GLIS1: variants seen among roughly 807,000 people sequenced by gnomAD.
GLIS1 encodes GLIS family zinc finger 1.
GLIS1 carries 24 observed loss-of-function variants against 63.8 expected under a neutral mutation model. That is an observed-to-expected ratio of 0.38 (90% CI 0.27 to 0.53). The LOEUF (loss-of-function observed/expected upper bound fraction) is 0.53. Ranked by LOEUF, GLIS1 falls within the 20% of genes least tolerant of loss-of-function variation. GLIS1 has a pLI of 0.85. For missense variants in GLIS1, 1,036 were observed against 1,074.1 expected, an observed-to-expected ratio of 0.96 and a Z score of 0.50; for synonymous variants, 450 against 482.5, an observed-to-expected ratio of 0.93 and a Z score of 0.88.
chr1:53,635,380 C>T (rs992884909), intron 2 of GLIS1, among the ~76,000 whole-genome samples: 17 of 151,864 alleles, frequency 1.1e-4, no homozygotes, highest in Non-Finnish European at 1.5e-4. Flanking sequence ...AAAAACATAA[C>T]GGAAATTTAA....
chr1:53,510,567 AG>A (rs1270367792), intron 8 of GLIS1, among the ~76,000 whole-genome samples: 1 of 152,178 alleles, frequency 6.6e-6, no homozygotes, highest in African/African-American at 2.4e-5. Flanking sequence ...TCCTTTTCAC[AG>A]ACCAGAAAAC....
In GLIS1 at chr1:53,543,535, T is replaced by C. The variant is rs1211676943; in HGVS notation, c.1321-13583A>G. ...AGCAAACCCCTGGCCCCTGTGCTTATGTTGCATTAAGTCAAAAGCAGAGTG... is the reference window on the plus strand; with the variant it reads ...AGCAAACCCCTGGCCCCTGTGCTTACGTTGCATTAAGTCAAAAGCAGAGTG... On this transcript the variant is annotated intron_variant, in intron 4 of 10. Coordinates refer to ENST00000628545, the MANE Select transcript of GLIS1 (RefSeq NM_001367484.1). Among the ~76,000 whole-genome samples the C allele has an allele frequency of 3.9e-5, 6 of 152,292 alleles. No homozygotes were observed. In the East Asian group the frequency reaches 9.6e-4, roughly 24 times the overall value.
At chr1:53,626,739 C>A (rs1645598117) in intron 2 of GLIS1, among the ~76,000 whole-genome samples, 1 of 152,210 alleles carries the variant, frequency 6.6e-6, no homozygotes, top group East Asian at 1.9e-4. Context: ...CTCAGTGCAA[C>A]TTTCCTACAC....
intron 7 of GLIS1, among the ~76,000 whole-genome samples, chr1:53,518,147 C>T (rs570495034): frequency 6.6e-6 from 1 of 152,244 alleles, no homozygotes; most frequent in Non-Finnish European, 1.5e-5. Flanking sequence ...GGACCCCGGG[C>T]TTCACCTGCC....
rs567699464 is a variant in GLIS1, at chr1:53,513,677, C to T, written c.1883+948G>A. ...TGGTAGGTCTCCCTCTCACAGTAAG[C>T]ATCTCCAGGGCCAGAGTCATCGAGG... On this transcript the variant is annotated intron_variant, in intron 8 of 10. Coordinates refer to ENST00000628545, the MANE Select transcript of GLIS1 (RefSeq NM_001367484.1). Among the ~76,000 whole-genome samples the T allele has an allele frequency of 2.6e-5, 4 of 152,342 alleles. No homozygotes were observed. The South Asian group carries it at 8.3e-4, about 32-fold the overall frequency.
intron 2 of GLIS1, among the ~76,000 whole-genome samples, chr1:53,635,861 T>A (rs1645717344): frequency 6.6e-6 from 1 of 152,136 alleles, no homozygotes; most frequent in African/African-American, 2.4e-5. Context: ...AATGGACAAA[T>A]TCCTAGGAAA....
chr1:53,631,182 A>G (rs1188409680), intron 2 of GLIS1, among the ~76,000 whole-genome samples: 3 of 152,162 alleles, frequency 2.0e-5, no homozygotes, highest in Admixed American at 2.0e-4. Flanking sequence ...TTTGTGATTT[A>G]TGTAAAGCTA....
At chr1:53,662,072 A>G (rs17109042) in intron 2 of GLIS1, among the ~76,000 whole-genome samples, 17,769 of 152,086 alleles carry the variant, frequency 0.12, 1,072 homozygotes, top group South Asian at 0.18. Flanking sequence ...CTGCTACAGA[A>G]GGGAGGCCTG....
chr1:53,700,499 T>C (rs1646512043), intron 2 of GLIS1, among the ~76,000 whole-genome samples: 1 of 151,506 alleles, frequency 6.6e-6, no homozygotes. Context: ...TGGCCTCTGC[T>C]CGTGTAAATG....
chr1:53,738,700 A>C (rs898514857), intron 1 of GLIS1, among the ~76,000 whole-genome samples: 47 of 152,234 alleles, frequency 3.1e-4, no homozygotes, highest in African/African-American at 1.1e-3. Flanking sequence ...ACGCGAACCC[A>C]TCACGCGCAG....
At chr1:53,689,913 C>T (rs1348751628) in intron 2 of GLIS1, among the ~76,000 whole-genome samples, 1 of 152,236 alleles carries the variant, frequency 6.6e-6, no homozygotes, top group Admixed American at 6.5e-5. Flanking sequence ...TTTATCCCCA[C>T]CACTGTGCAC....
intron 7 of GLIS1, among the ~76,000 whole-genome samples, chr1:53,516,481 GC>G (rs1158649332): frequency 6.6e-6 from 1 of 151,962 alleles, no homozygotes; most frequent in Non-Finnish European, 1.5e-5. Flanking sequence ...GAGCAGCAGG[GC>G]CTGTGGCAAA....
At chr1:53,576,622 C>G (rs150638164) in intron 4 of GLIS1, among the ~76,000 whole-genome samples, 123 of 152,292 alleles carry the variant, frequency 8.1e-4, no homozygotes, top group African/African-American at 2.9e-3. Context: ...AGCTGCTAGG[C>G]TGGTATAAAC....
intron 2 of GLIS1, among the ~76,000 whole-genome samples, chr1:53,679,040 C>T (rs1411034619): frequency 1.3e-5 from 2 of 152,226 alleles, no homozygotes; most frequent in African/African-American, 4.8e-5. Flanking sequence ...CCTCTTCCCA[C>T]CAGGCCCAGG....
chr1:53,662,881 G>A (rs145725567), intron 2 of GLIS1, among the ~76,000 whole-genome samples: 7 of 152,236 alleles, frequency 4.6e-5, no homozygotes, highest in African/African-American at 7.2e-5. Context: ...TCTCCCCGGC[G>A]CTATAAAGCA....
chr1:53,665,029 T>C (rs184436355), intron 2 of GLIS1, among the ~76,000 whole-genome samples: 1 of 152,120 alleles, frequency 6.6e-6, no homozygotes, highest in African/African-American at 2.4e-5. Context: ...AAGTAAGGAC[T>C]GTGGCTTTCA....
chr1:53,642,181 C>A (rs988116361), intron 2 of GLIS1, among the ~76,000 whole-genome samples: 1 of 152,272 alleles, frequency 6.6e-6, no homozygotes, highest in African/African-American at 2.4e-5. Context: ...ATTACGAGGA[C>A]TGGTGCCCAT....
intron 2 of GLIS1, among the ~76,000 whole-genome samples, chr1:53,624,539 CTCTT>C (rs1392318013): frequency 2.6e-5 from 4 of 151,462 alleles, no homozygotes; most frequent in African/African-American, 7.3e-5. Context: ...AATTTTAAAT[CTCTT>C]TTTTTTTTTT....
chr1:53,710,138 A>C (rs971356795), intron 2 of GLIS1, among the ~76,000 whole-genome samples: 2 of 152,176 alleles, frequency 1.3e-5, no homozygotes, highest in Non-Finnish European at 2.9e-5. Context: ...GAACCCCCAG[A>C]GAATCCAGGG....
Sources: gnomAD v4.1 joint callset for allele counts (sites outside exome capture counted in the v4.1 genomes callset) on GRCh38, gnomAD v4.1.1 for gene constraint, MANE v1.5 for transcripts, NCBI Gene and HGNC (gene_info 2026-07-23, HGNC 2026-07-21) for gene names.